The following XIST variants were observed in gnomAD, a reference collection of about 807,000 sequenced individuals.
The protein encoded by XIST is X inactive specific transcript (non-protein coding).
At chrX:73,832,752 C>T (rs187707300) in intron 3 of XIST, among the ~76,000 whole-genome samples, 1 of 111,086 alleles carries the variant, frequency 9.0e-6, no homozygotes, top group East Asian at 2.8e-4. Context: ...GTATGCTTGC[C>T]CTTACAGACC....
exon 1 of XIST, chrX:73,851,490 C>A: frequency 1.8e-6 from 1 of 558,881 alleles, no homozygotes; most frequent in East Asian, 3.2e-5. Context: ...GAACTGGATC[C>A]GCCATTTTGG....
At chrX:73,849,912 G>C (rs1468878732) in exon 1 of XIST, 4 of 531,076 alleles carry the variant, frequency 7.5e-6, no homozygotes, top group Admixed American at 7.4e-5. Context: ...GCTGGGGCTA[G>C]ACTAGGGGTT....
chrX:73,848,956 G>C, exon 1 of XIST: 1 of 557,536 alleles, frequency 1.8e-6, no homozygotes, highest in Non-Finnish European at 3.2e-6. Flanking sequence ...AATTACTATT[G>C]TATCCATTAA....
chrX:73,826,082 A>G (rs1922244593), exon 6 of XIST: 1 of 557,028 alleles, frequency 1.8e-6, no homozygotes, highest in Non-Finnish European at 3.2e-6. Context: ...CATAACCATC[A>G]CTAGAAATCC....
chrX:73,846,243 G>A (rs2080906571), exon 1 of XIST: 2 of 559,242 alleles, frequency 3.6e-6, no homozygotes, highest in African/African-American at 2.2e-5. Context: ...CTGAGAGTAG[G>A]ATTTTATTCA....
exon 1 of XIST, chrX:73,842,688 G>A (rs1301510624): frequency 3.6e-6 from 2 of 556,068 alleles, no homozygotes; most frequent in African/African-American, 4.5e-5. Flanking sequence ...AATGCGAAAG[G>A]AAGTAGAGGG....
At chrX:73,844,034 C>T (rs1399188978) in exon 1 of XIST, 1 of 556,842 alleles carries the variant, frequency 1.8e-6, no homozygotes, top group East Asian at 3.3e-5. Context: ...GGGTTGTGGA[C>T]AACTGCAATT....
intron 2 of XIST, among the ~76,000 whole-genome samples, chrX:73,836,262 G>A (rs776931832): frequency 2.0e-4 from 23 of 112,275 alleles, no homozygotes; most frequent in African/African-American, 4.2e-4. Context: ...TGGTTCTTAA[G>A]ATAAAGTTTG....
rs1922824711 is a variant in XIST, at chrX:73,848,248, T to C, written n.4476A>G. 3 of 554,668 alleles carry C rather than the reference T, an allele frequency of 5.4e-6. No homozygotes were observed. In the African/African-American group the frequency reaches 6.7e-5, roughly 12 times the overall value. 45.7% of individuals were successfully genotyped at this position (554,668 alleles called of 1,213,427 possible). ...GTAAGACAAAAGGAATATGAGGGGA[T>C]GAGACCCCAGACTAACAGCAGATAG... is the stretch of plus-strand genomic sequence containing the variant. On this transcript the variant is annotated non_coding_transcript_exon_variant, in exon 1 of 6. Transcript: ENST00000429829.
chrX:73,824,436 G>C (rs1396758915), exon 6 of XIST: 1 of 556,363 alleles, frequency 1.8e-6, no homozygotes, highest in Non-Finnish European at 3.2e-6. Flanking sequence ...CATAGGTATT[G>C]CCTTATTTTT....
At chrX:73,850,413 C>T (rs766651767) in exon 1 of XIST, 3 of 540,870 alleles carry the variant, frequency 5.5e-6, no homozygotes, top group Middle Eastern at 3.1e-4. Flanking sequence ...CTATAATAGT[C>T]ACTTAAGACT....
At chrX:73,846,426 T>C (rs1922772787) in exon 1 of XIST, 2 of 556,689 alleles carry the variant, frequency 3.6e-6, no homozygotes, top group Non-Finnish European at 3.2e-6. Flanking sequence ...CCTTTTCTAG[T>C]GCATAGGATC....
chrX:73,843,691 T>A (rs200152424), exon 1 of XIST: 1 of 556,862 alleles, frequency 1.8e-6, no homozygotes, highest in Non-Finnish European at 3.2e-6. Flanking sequence ...GCTTAGAGAA[T>A]TGAGTTTGTG....
chrX:73,828,093 A>C, intron 5 of XIST: 1 of 430,911 alleles, frequency 2.3e-6, no homozygotes, highest in East Asian at 3.7e-5. Flanking sequence ...CAGAAAGATA[A>C]AAAAAATCAA....
At chrX:73,847,399 TCTTA>T (rs1259098940) in exon 1 of XIST, 8 of 508,507 alleles carry the variant, frequency 1.6e-5, no homozygotes, top group African/African-American at 7.1e-5. Flanking sequence ...AGGGCAATTG[TCTTA>T]CTTTTTTTTT....
chrX:73,851,000 G>GCTAAA (rs1922924157), exon 1 of XIST: 1 of 557,877 alleles, frequency 1.8e-6, no homozygotes, highest in South Asian at 2.2e-5. Flanking sequence ...CTCCTGACTG[G>GCTAAA]CTAAAGACAG....
exon 6 of XIST, chrX:73,827,726 C>A (rs1349840463): frequency 1.8e-6 from 1 of 548,957 alleles, no homozygotes; most frequent in South Asian, 2.3e-5. Flanking sequence ...AAGCACACAG[C>A]ATGTGACCCA....
At chrX:73,842,025 G>T (rs189720509) in exon 1 of XIST, 6 of 547,381 alleles carry the variant, frequency 1.1e-5, no homozygotes, top group African/African-American at 2.2e-5. Flanking sequence ...AATAGCAAGA[G>T]TCAGTGTTCT....
chrX:73,821,172 TCTAA>T (rs757527286), exon 6 of XIST: 4 of 557,356 alleles, frequency 7.2e-6, no homozygotes, highest in East Asian at 3.3e-5. Flanking sequence ...AAATCTGATG[TCTAA>T]CTAAAAATGT....
Sources: gnomAD v4.1 joint callset for allele counts (sites outside exome capture counted in the v4.1 genomes callset) on GRCh38, gnomAD v4.1.1 for gene constraint, MANE v1.5 for transcripts, NCBI Gene and HGNC (gene_info 2026-07-23, HGNC 2026-07-21) for gene names.